The following RAP1GAP2 variants were observed in gnomAD, a reference collection of about 807,000 sequenced individuals.
RAP1GAP2 encodes RAP1 GTPase activating protein 2, also known as rap1 GTPase-activating protein 2.
In RAP1GAP2, 27 loss-of-function variants were observed where a neutral mutation model predicts 95.0. That is an observed-to-expected ratio of 0.28 (90% CI 0.21 to 0.39). The LOEUF (loss-of-function observed/expected upper bound fraction) is 0.39. Ranked by LOEUF, RAP1GAP2 falls within the 10% of genes least tolerant of loss-of-function variation. RAP1GAP2 has a pLI of 1.00. For synonymous variants in RAP1GAP2, 373 were observed against 380.9 expected, an observed-to-expected ratio of 0.98 and a Z score of 0.24; for missense variants, 771 against 970.0, an observed-to-expected ratio of 0.79 and a Z score of 2.72.
intron 3 of RAP1GAP2, among the ~76,000 whole-genome samples, chr17:2,948,693 G>A (rs2043799918): frequency 6.7e-6 from 1 of 148,916 alleles, no homozygotes; most frequent in Non-Finnish European, 1.5e-5. Flanking sequence ...GTGATGAGAT[G>A]GAGAGAAGGG....
chr17:2,909,377 G>A (rs1336286225), intron 3 of RAP1GAP2, among the ~76,000 whole-genome samples: 1 of 152,108 alleles, frequency 6.6e-6, no homozygotes, highest in Admixed American at 6.5e-5. Flanking sequence ...GGGGTGGGGC[G>A]GACAGCAGAT....
At chr17:2,927,365 G>T (rs182904781) in intron 3 of RAP1GAP2, among the ~76,000 whole-genome samples, 2 of 152,122 alleles carry the variant, frequency 1.3e-5, no homozygotes, top group South Asian at 2.1e-4. Flanking sequence ...GTGTTAGCCA[G>T]GATGGTCTCG....
intron 17 of RAP1GAP2, among the ~76,000 whole-genome samples, chr17:3,010,123 C>T (rs1253667007): frequency 6.6e-6 from 1 of 152,014 alleles, no homozygotes; most frequent in South Asian, 2.1e-4. Context: ...AGGCGGATCA[C>T]GAGGTCAGGA....
chr17:2,961,889 G>A (rs1037022387), intron 4 of RAP1GAP2, among the ~76,000 whole-genome samples: 21 of 119,900 alleles, frequency 1.8e-4, no homozygotes, highest in Non-Finnish European at 2.4e-4. Context: ...TGACCCTAAG[G>A]ATTTTTTTTT....
chr17:2,809,922 C>T (rs1295452953), intron 2 of RAP1GAP2, among the ~76,000 whole-genome samples: 1 of 152,134 alleles, frequency 6.6e-6, no homozygotes, highest in Non-Finnish European at 1.5e-5. Context: ...CTTCTATCCC[C>T]TTCCTCCCGC....
intron 2 of RAP1GAP2, among the ~76,000 whole-genome samples, chr17:2,831,703 G>T (rs116664592): frequency 0.011 from 1,652 of 151,698 alleles, 35 homozygotes; most frequent in African/African-American, 0.034. Flanking sequence ...CCAGCCTGGT[G>T]GGGGGGCAGC....
chr17:3,023,685 T>C (rs1487637538), intron 19 of RAP1GAP2, among the ~76,000 whole-genome samples: 1 of 152,240 alleles, frequency 6.6e-6, no homozygotes, highest in African/African-American at 2.4e-5. Flanking sequence ...AAGTGCAGAA[T>C]GTGCAGGTTT....
At chr17:2,968,711 T>C (rs150092109) in intron 8 of RAP1GAP2, among the ~76,000 whole-genome samples, 677 of 152,244 alleles carry the variant, frequency 4.4e-3, no homozygotes, top group Non-Finnish European at 6.9e-3. Flanking sequence ...ATAATAAATA[T>C]AAATGACTTA....
chr17:2,755,747 G>C (rs1018863322), exon 1 of RAP1GAP2: 1 of 352,256 alleles, frequency 2.8e-6, no homozygotes, highest in South Asian at 1.3e-4. Flanking sequence ...CGGGGGAGAA[G>C]CGCTGGCAGC....
intron 3 of RAP1GAP2, among the ~76,000 whole-genome samples, chr17:2,928,459 G>T (rs115659615): frequency 6.6e-6 from 1 of 152,014 alleles, no homozygotes; most frequent in Non-Finnish European, 1.5e-5. Flanking sequence ...GTCCGGGGTC[G>T]CCTGGGGGTG....
chr17:3,027,026 T>C lies in RAP1GAP2; in HGVS notation c.2063T>C (p.Leu688Pro). Reference sequence around the variant, plus strand: ...TCCCCGAGCAGCGAGAGCCCCAGCCTGGGGGCAGCTGCCACCCCGATCATC... The same window carrying C: ...TCCCCGAGCAGCGAGAGCCCCAGCCCGGGGGCAGCTGCCACCCCGATCATC... ...SPSPSSESPS[L>P]GAAATPIIMS... is the part of the protein sequence containing the mutation. Residue 688 changes from leucine (L) to proline (P), a missense_variant, in exon 22 of 25, where the codon CTG (leucine) becomes CCG (proline). By Grantham distance (98) the Leu-to-Pro change is moderately conservative. Coordinates refer to ENST00000254695, the MANE Select transcript of RAP1GAP2 (RefSeq NM_015085.5). This position sits in a 1 kb window ranked among gnomAD's most constrained non-coding sequence, Gnocchi z 5.2. 6.4e-7 allele frequency: 1 copy of C among 1,573,414 alleles called. No individual in the cohort carries two copies. Among genetic ancestry groups the C allele is most frequent in the South Asian group, 1.2e-5 (1 of 85,244 alleles).
chr17:2,756,051 C>T (rs1013457213), intron 1 of RAP1GAP2, among the ~76,000 whole-genome samples: 1 of 152,316 alleles, frequency 6.6e-6, no homozygotes, highest in African/African-American at 2.4e-5. Context: ...CCCGCGGGGG[C>T]GCCCTTTCCC....
chr17:3,026,612 C>G (rs2047126641), intron 21 of RAP1GAP2, 148 bp downstream of exon 21: 4 of 764,076 alleles, frequency 5.2e-6, no homozygotes, highest in Non-Finnish European at 8.3e-6. Flanking sequence ...GGCTCGTTGG[C>G]CATCACCACC....
chr17:2,781,816 CTG>C (rs1281336086), intron 1 of RAP1GAP2, among the ~76,000 whole-genome samples: 8 of 148,496 alleles, frequency 5.4e-5, no homozygotes, highest in African/African-American at 2.0e-4. Context: ...GTGCACGTCT[CTG>C]TGTGTGCAGG....
intron 3 of RAP1GAP2, among the ~76,000 whole-genome samples, chr17:2,907,039 G>A (rs553099746): frequency 1.3e-5 from 2 of 152,218 alleles, no homozygotes; most frequent in East Asian, 1.9e-4. Flanking sequence ...TGTGGCAGCC[G>A]AAGGGTGGTA....
upstream of RAP1GAP2, among the ~76,000 whole-genome samples, chr17:2,794,968 C>T (rs2069029603): frequency 6.6e-6 from 1 of 150,748 alleles, no homozygotes; most frequent in Non-Finnish European, 1.5e-5. Flanking sequence ...ACCTCTGCCT[C>T]CCAGGTTCAA....
chr17:2,980,218 C>A, intron 8 of RAP1GAP2, 69 bp from the exon 9 acceptor site: 1 of 1,478,464 alleles, frequency 6.8e-7, no homozygotes, highest in Non-Finnish European at 9.4e-7. Flanking sequence ...GCTGAGATGA[C>A]AGGCACGAGT....
intron 11 of RAP1GAP2, among the ~76,000 whole-genome samples, chr17:2,989,534 T>G (rs1333260966): frequency 6.6e-6 from 1 of 152,166 alleles, no homozygotes; most frequent in Non-Finnish European, 1.5e-5. Flanking sequence ...GGTTTTGCCA[T>G]GTTGGCCAGG....
chr17:2,776,790 G>A (rs1177610485), upstream of RAP1GAP2, among the ~76,000 whole-genome samples: 3 of 150,930 alleles, frequency 2.0e-5, no homozygotes, highest in South Asian at 4.1e-4. Context: ...GCGCGCGTGC[G>A]CGGCAGGACT....
Sources: gnomAD v4.1 joint callset for allele counts (sites outside exome capture counted in the v4.1 genomes callset) on GRCh38, gnomAD v4.1.1 for gene constraint, Gnocchi (gnomAD v3.1) non-coding constraint, MANE v1.5 for transcripts, NCBI Gene and HGNC (gene_info 2026-07-23, HGNC 2026-07-21) for gene names.